RBFOX1: variants seen among roughly 807,000 people sequenced by gnomAD.
RBFOX1 encodes RNA binding protein fox-1 homolog 1.
Under a neutral mutation model 57.7 loss-of-function variants are expected in RBFOX1, and 8 were observed. The observed-to-expected ratio is 0.14, with a 90% CI of 0.08 to 0.25. The LOEUF (loss-of-function observed/expected upper bound fraction) is 0.25, where lower values mean the gene tolerates loss of function less well. Among genes scored for constraint, RBFOX1 ranks in the 10% least tolerant of loss-of-function variants. The probability of loss-of-function intolerance (pLI) is 1.00; values close to 1 mark genes in which losing one functional copy is unlikely to be tolerated. For synonymous variants in RBFOX1, 326 were observed against 222.4 expected, an observed-to-expected ratio of 1.47 and a Z score of -4.15; for missense variants, 611 against 548.5, an observed-to-expected ratio of 1.11 and a Z score of -1.14.
intron 4 of RBFOX1, among the ~76,000 whole-genome samples, chr16:7,153,110 C>A (rs1028690154): frequency 6.6e-6 from 1 of 152,106 alleles, no homozygotes; most frequent in African/African-American, 2.4e-5. Context: ...ATGTTATAAT[C>A]TGGCTGGAGA....
intron 3 of RBFOX1, among the ~76,000 whole-genome samples, chr16:6,671,424 C>G (rs1474399388): frequency 6.6e-6 from 1 of 152,148 alleles, no homozygotes; most frequent in East Asian, 1.9e-4. Context: ...TATTCATGTT[C>G]ATATTCAAAC....
intron 2 of RBFOX1, among the ~76,000 whole-genome samples, chr16:6,529,849 T>C (rs972100839): frequency 6.6e-6 from 1 of 152,140 alleles, no homozygotes; most frequent in South Asian, 2.1e-4. Flanking sequence ...CCCTAGTTTA[T>C]TGAACAGAGT....
intron 4 of RBFOX1, among the ~76,000 whole-genome samples, chr16:7,470,948 T>C (rs2061444520): frequency 6.6e-6 from 1 of 152,118 alleles, no homozygotes; most frequent in Admixed American, 6.6e-5. Context: ...ATTTAGTGTT[T>C]CAGTAAATTA....
chr16:7,036,554 A>G (rs1256031628), intron 3 of RBFOX1, among the ~76,000 whole-genome samples: 1 of 151,960 alleles, frequency 6.6e-6, no homozygotes, highest in Non-Finnish European at 1.5e-5. Context: ...TTAGCTGGAT[A>G]CTGTGGCGGC....
chr16:5,864,292 G>A (rs368873576), intron 3 of RBFOX1, among the ~76,000 whole-genome samples: 12 of 152,294 alleles, frequency 7.9e-5, no homozygotes, highest in Admixed American at 3.3e-4. Context: ...GTGGTACGAA[G>A]CTTTATTTTT....
chr16:7,269,949 T>C (rs2095276534), intron 4 of RBFOX1, among the ~76,000 whole-genome samples: 1 of 152,254 alleles, frequency 6.6e-6, no homozygotes, highest in African/African-American at 2.4e-5. Context: ...TTTATTAATT[T>C]GATAGGTAAA....
chr16:6,820,910 C>G (rs968958739), intron 3 of RBFOX1, among the ~76,000 whole-genome samples: 2 of 152,108 alleles, frequency 1.3e-5, no homozygotes, highest in South Asian at 2.1e-4. Flanking sequence ...GCAGTTTGGA[C>G]CATACATTTC....
chr16:6,156,663 C>T (rs1308014138), intron 1 of RBFOX1, among the ~76,000 whole-genome samples: 4 of 152,132 alleles, frequency 2.6e-5, no homozygotes, highest in African/African-American at 7.2e-5. Context: ...ACTTCCCTCC[C>T]CACTTCCCAG....
intron 3 of RBFOX1, among the ~76,000 whole-genome samples, chr16:7,040,103 C>T (rs901105650): frequency 6.6e-6 from 1 of 151,914 alleles, no homozygotes; most frequent in South Asian, 2.1e-4. Context: ...TCACTGCAAC[C>T]TCTGCCTCCC....
chr16:6,849,659 A>T (rs1366222757), intron 3 of RBFOX1, among the ~76,000 whole-genome samples: 1 of 152,060 alleles, frequency 6.6e-6, no homozygotes, highest in Non-Finnish European at 1.5e-5. Context: ...AGAAAGCAAG[A>T]CTCCATCTCA....
In RBFOX1 at chr16:7,439,763, C is replaced by T. The variant is rs114728616; in HGVS notation, c.28-78384C>T. On this transcript the variant is annotated intron_variant, in intron 4 of 15. Transcript: ENST00000550418. The stretch of plus-strand genomic sequence containing the variant: ...TTCCTCATGCATATTCTTTCCTGAG[C>T]ATCTACCGCCAAATTTACAGATTGC... Among the ~76,000 whole-genome samples, 631 of 152,196 alleles carry T rather than the reference C, an allele frequency of 4.1e-3. 3 individuals carry two copies. Among genetic ancestry groups the T allele is most frequent in the African/African-American group, 0.014 (598 of 41,538 alleles).
intron 4 of RBFOX1, among the ~76,000 whole-genome samples, chr16:7,437,152 TTTAATC>T (rs2098728540): frequency 6.6e-6 from 1 of 152,024 alleles, no homozygotes; most frequent in African/African-American, 2.4e-5. Context: ...CATAGGATCG[TTTAATC>T]TGTTTTATGA....
intron 4 of RBFOX1, among the ~76,000 whole-genome samples, chr16:5,951,888 A>G (rs865968511): frequency 6.6e-6 from 1 of 151,790 alleles, no homozygotes. Context: ...GTGTGTGTAT[A>G]TACATATATA....
At chr16:5,633,230 C>T (rs1296737851) in intron 3 of RBFOX1, among the ~76,000 whole-genome samples, 1 of 152,158 alleles carries the variant, frequency 6.6e-6, no homozygotes, top group Non-Finnish European at 1.5e-5. Context: ...AGCCACCACG[C>T]CCAGCCAACA....
intron 4 of RBFOX1, among the ~76,000 whole-genome samples, chr16:7,227,944 G>A (rs907994332): frequency 1.3e-5 from 2 of 152,136 alleles, no homozygotes; most frequent in African/African-American, 4.8e-5. Context: ...ACAATTCTTT[G>A]CGGTGAGGAG....
At chr16:6,909,996 G>C (rs976199886) in intron 3 of RBFOX1, among the ~76,000 whole-genome samples, 2 of 151,990 alleles carry the variant, frequency 1.3e-5, no homozygotes, top group Non-Finnish European at 2.9e-5. Flanking sequence ...CTCTTGAAAG[G>C]TGTTGTTTGT....
intron 2 of RBFOX1, among the ~76,000 whole-genome samples, chr16:6,575,641 TGAG>T (rs999953788): frequency 3.9e-5 from 6 of 152,100 alleles, no homozygotes; most frequent in Non-Finnish European, 2.9e-5. Flanking sequence ...GCAGATCACC[TGAG>T]GTCAGGAATT....
chr16:6,947,872 G>C (rs762911093), intron 3 of RBFOX1, among the ~76,000 whole-genome samples: 11 of 152,160 alleles, frequency 7.2e-5, no homozygotes, highest in Non-Finnish European at 1.6e-4. Flanking sequence ...CACCTCATGG[G>C]TTCAAGCGTT....
intron 1 of RBFOX1, among the ~76,000 whole-genome samples, chr16:6,116,749 TA>T (rs1193498014): frequency 1.3e-5 from 2 of 152,256 alleles, no homozygotes; most frequent in Admixed American, 6.5e-5. Flanking sequence ...CCTCAGCTGA[TA>T]GGGGAGAAAA....
Sources: gnomAD v4.1 joint callset for allele counts (sites outside exome capture counted in the v4.1 genomes callset) on GRCh38, gnomAD v4.1.1 for gene constraint, MANE v1.5 for transcripts, NCBI Gene and HGNC (gene_info 2026-07-23, HGNC 2026-07-21) for gene names.